The following TRPC3 variants were observed in gnomAD, a reference collection of about 807,000 sequenced individuals.
TRPC3 encodes the protein transient receptor potential cation channel subfamily C member 3, also known as short transient receptor potential channel 3.
TRPC3 carries 54 observed loss-of-function variants against 90.9 expected under a neutral mutation model. The observed-to-expected ratio is 0.59, with a 90% CI of 0.48 to 0.75. TRPC3 has a LOEUF of 0.75. Ranked by LOEUF, TRPC3 falls within the 30% of genes least tolerant of loss-of-function variation. The probability of loss-of-function intolerance (pLI) is 0.00; values close to 1 mark genes in which losing one functional copy is unlikely to be tolerated. For synonymous variants in TRPC3, 424 were observed against 450.9 expected (o/e 0.94, Z 0.75); for missense variants, 918 against 1,194.5 (o/e 0.77, Z 3.41).
At chr4:121,944,800 A>G (rs1730432771) in intron 1 of TRPC3, among the ~76,000 whole-genome samples, 1 of 152,204 alleles carries the variant, frequency 6.6e-6, no homozygotes, top group Non-Finnish European at 1.5e-5. Flanking sequence ...TCATAAATAA[A>G]TTAATACTAA....
intron 2 of TRPC3, among the ~76,000 whole-genome samples, chr4:121,928,479 C>T (rs1014161529): frequency 1.3e-5 from 2 of 152,188 alleles, no homozygotes; most frequent in Admixed American, 1.3e-4. Flanking sequence ...CAAAAGCAAC[C>T]ATCTATGTAA....
chr4:121,924,900 T>C, intron 3 of TRPC3, 118 bp downstream of exon 3: 2 of 1,135,642 alleles, frequency 1.8e-6, no homozygotes, highest in Non-Finnish European at 2.5e-6. Context: ...AGTCTCATTA[T>C]GTTGCCCAGC....
chr4:121,889,759 A>G (rs1728255304), intron 10 of TRPC3, among the ~76,000 whole-genome samples: 1 of 152,202 alleles, frequency 6.6e-6, no homozygotes, highest in African/African-American at 2.4e-5. Context: ...TATATTGAAT[A>G]GATACTTAAA....
In TRPC3 at chr4:121,917,579, T is replaced by A. The variant is rs556070146; in HGVS notation, c.1177-2635A>T. Among the ~76,000 whole-genome samples, 12 of 152,340 alleles carry A rather than the reference T, an allele frequency of 7.9e-5. No homozygotes were observed. In the South Asian group the frequency reaches 2.5e-3, roughly 32 times the overall value. On this transcript the variant is annotated intron_variant, in intron 3 of 11. Transcript: ENST00000379645. ...GAGGTCATTGTTCTAGGGTACACAG[T>A]AAGCTTTGAATAGACACAAAATAAG...
At position 121,951,378 on chromosome 4, in the gene TRPC3, C is replaced by T. The variant is rs1421320493; in HGVS notation, c.215+88G>A. 4 of 910,726 alleles carry T rather than the reference C, an allele frequency of 4.4e-6. No individual in the cohort carries two copies. Among genetic ancestry groups the T allele is most frequent in the Non-Finnish European group, 5.5e-6 (4 of 728,104 alleles). The allele number at this position is 910,726 out of a possible 1,614,324, so 56.4% of individuals were successfully genotyped here. A position where few individuals can be genotyped will look rare whatever the true frequency, so the allele number is the denominator to read the frequency against. On this transcript the variant is annotated intron_variant, in intron 1 of 11. Coordinates refer to ENST00000379645, the MANE Select transcript of TRPC3 (RefSeq NM_001130698.2). This position sits in a 1 kb window ranked among gnomAD's most constrained non-coding sequence, Gnocchi z 4.4. ...ATGTGGGTCTCGGAGGTCCCGGGCT[C>T]GACGTGGAGCCGCCCGGCGCGCGCC...
intron 1 of TRPC3, among the ~76,000 whole-genome samples, chr4:121,935,544 G>A (rs924910335): frequency 3.3e-5 from 5 of 152,058 alleles, no homozygotes; most frequent in African/African-American, 4.8e-5. Context: ...AACAAATCTT[G>A]TAAATATTAT....
intron 10 of TRPC3, among the ~76,000 whole-genome samples, chr4:121,895,660 A>C (rs1728492711): frequency 6.6e-6 from 1 of 152,128 alleles, no homozygotes; most frequent in African/African-American, 2.4e-5. Context: ...ATCTAAACAG[A>C]CCAAAAACAG....
In TRPC3 at chr4:121,932,135, G is replaced by A; in HGVS notation, c.987+136C>T. Reference sequence around the variant, plus strand: ...AGAAAACATTAGATGAGGTCTGAATGACGTTCTCAGTCCCTCGTGATTTCA... The same window carrying A: ...AGAAAACATTAGATGAGGTCTGAATAACGTTCTCAGTCCCTCGTGATTTCA... On this transcript the variant is annotated intron_variant, in intron 2 of 11. Transcript: ENST00000379645. This position sits in a 1 kb window ranked among gnomAD's most constrained non-coding sequence, Gnocchi z 7.7. 7.4e-7 allele frequency: 1 copy of A among 1,352,650 alleles called. No individual in the cohort carries two copies. Among genetic ancestry groups the A allele is most frequent in the Non-Finnish European group, 9.9e-7 (1 of 1,006,452 alleles). The allele number at this position is 1,352,650 out of a possible 1,614,324, so 83.8% of individuals were successfully genotyped here.
rs144768862 is a variant in TRPC3 at position 121,913,719 on chromosome 4, TTAAAG to T, written c.1341+1056_1341+1060del. Among the ~76,000 whole-genome samples, 167 of 152,340 alleles carry T rather than the reference TTAAAG, an allele frequency of 1.1e-3. 1 individual carries two copies. In the East Asian group the frequency reaches 0.029, roughly 27 times the overall value. Reference sequence around the variant, plus strand: ...TTAGTGTTTACGTATTTGAAGAATCTTAAAGTAATTTTCCATGATACATAACAAAA... The same window carrying T: ...TTAGTGTTTACGTATTTGAAGAATCTTAATTTTCCATGATACATAACAAAA... On this transcript the variant is annotated intron_variant, in intron 4 of 11. Coordinates refer to ENST00000379645, the MANE Select transcript of TRPC3 (RefSeq NM_001130698.2).
intron 7 of TRPC3, among the ~76,000 whole-genome samples, chr4:121,906,398 A>C (rs1484980898): frequency 6.6e-6 from 1 of 152,168 alleles, no homozygotes; most frequent in African/African-American, 2.4e-5. Flanking sequence ...ATTGTGTACA[A>C]GATCTCTTTG....
At chr4:121,906,446 A>G (rs1728884653) in intron 7 of TRPC3, among the ~76,000 whole-genome samples, 1 of 152,146 alleles carries the variant, frequency 6.6e-6, no homozygotes, top group South Asian at 2.1e-4. Flanking sequence ...TTTTTTCTTC[A>G]TTACAATAAA....
intron 10 of TRPC3, among the ~76,000 whole-genome samples, chr4:121,885,624 A>T (rs1463776278): frequency 6.6e-6 from 1 of 152,202 alleles, no homozygotes; most frequent in Non-Finnish European, 1.5e-5. Context: ...TCTGTAAAGC[A>T]AATCTTGATA....
intron 2 of TRPC3, among the ~76,000 whole-genome samples, chr4:121,927,449 A>C (rs1729760210): frequency 6.6e-6 from 1 of 152,202 alleles, no homozygotes; most frequent in South Asian, 2.1e-4. Context: ...CTAATGTGAA[A>C]TGCTTGAGGA....
chr4:121,874,563 C>T lies in TRPC3; in HGVS notation c.*5173G>A, dbSNP rs933407228. ...TCAAGGTGTCAGCAGGGAATAAAAC[C>T]GATCTTCAGAGGCCTCTCTTCTTGG... On this transcript the variant is annotated 3_prime_UTR_variant, in exon 12 of 12. Coordinates refer to ENST00000379645, the MANE Select transcript of TRPC3 (RefSeq NM_001130698.2). Among the ~76,000 whole-genome samples the T allele has an allele frequency of 6.6e-6, 1 of 152,118 alleles. No individual in the cohort carries two copies. The highest frequency in any genetic ancestry group is 2.4e-5 in the African/African-American group (1 of 41,420).
intron 10 of TRPC3, among the ~76,000 whole-genome samples, chr4:121,893,219 T>C (rs1404277798): frequency 6.6e-6 from 1 of 151,944 alleles, no homozygotes; most frequent in South Asian, 2.1e-4. Context: ...CGTGTGTGCG[T>C]GTGTATGTAC....
intron 1 of TRPC3, among the ~76,000 whole-genome samples, chr4:121,942,252 T>C (rs13124223): frequency 0.47 from 71,857 of 152,060 alleles, 18,156 homozygotes; most frequent in East Asian, 0.59. Flanking sequence ...ATATTCAGAA[T>C]TCTTCATGCA....
chr4:121,890,990 TA>T (rs370934637), intron 10 of TRPC3, among the ~76,000 whole-genome samples: 1 of 151,124 alleles, frequency 6.6e-6, no homozygotes, highest in African/African-American at 2.4e-5. Flanking sequence ...GACTCCATCT[TA>T]AAAAACAAAA....
chr4:121,924,557 A>G (rs1729634313), intron 3 of TRPC3, among the ~76,000 whole-genome samples: 1 of 152,172 alleles, frequency 6.6e-6, no homozygotes. Context: ...ATTTTTTGAG[A>G]CAAGGTCTTG....
chr4:121,902,451 A>C (rs1728736250), intron 9 of TRPC3, among the ~76,000 whole-genome samples: 1 of 151,944 alleles, frequency 6.6e-6, no homozygotes, highest in Non-Finnish European at 1.5e-5. Context: ...AGTTTCTACA[A>C]AAAAGGAGAA....
Sources: gnomAD v4.1 joint callset for allele counts (sites outside exome capture counted in the v4.1 genomes callset) on GRCh38, gnomAD v4.1.1 for gene constraint, Gnocchi (gnomAD v3.1) non-coding constraint, MANE v1.5 for transcripts, NCBI Gene and HGNC (gene_info 2026-07-23, HGNC 2026-07-21) for gene names.